MATCAP2: variants seen among roughly 807,000 people sequenced by gnomAD.
MATCAP2 encodes the protein microtubule associated tyrosine carboxypeptidase 2.
the MATCAP2 span, among the ~76,000 whole-genome samples, chr7:36,384,954 A>T: frequency 2.6e-5 from 4 of 152,270 alleles, 1 homozygote; most frequent in African/African-American, 9.6e-5. Flanking sequence ...ATGGCCTTGT[A>T]GGTATGATAA....
At chr7:36,367,281 C>A in the MATCAP2 span, 22 of 1,036,094 alleles carry the variant, frequency 2.1e-5, no homozygotes, top group African/African-American at 3.2e-4. Flanking sequence ...ACGGAGCCTG[C>A]GCGCCGCTGG....
the MATCAP2 span, among the ~76,000 whole-genome samples, chr7:36,347,944 TACTGTTTTTTA>T: frequency 2.0e-5 from 3 of 152,172 alleles, no homozygotes; most frequent in African/African-American, 4.8e-5. Context: ...GTCAACAAGA[TACTGTTTTTTA>T]AAGGTTTCAA....
chr7:36,367,776 A>G, the MATCAP2 span, among the ~76,000 whole-genome samples: 1 of 152,206 alleles, frequency 6.6e-6, no homozygotes, highest in South Asian at 2.1e-4. Flanking sequence ...TACAATAACC[A>G]TGGGAGGCGG....
chr7:36,367,222 C>G, the MATCAP2 span: 2 of 1,146,482 alleles, frequency 1.7e-6, no homozygotes, highest in East Asian at 8.4e-5. Flanking sequence ...CGTAGCCGCT[C>G]CGCCGGTTGC....
the MATCAP2 span, among the ~76,000 whole-genome samples, chr7:36,359,708 A>G: frequency 6.6e-6 from 1 of 152,218 alleles, no homozygotes; most frequent in Non-Finnish European, 1.5e-5. Context: ...ACAAATAAAC[A>G]AAACGTTCAT....
chr7:36,355,599 G>A, the MATCAP2 span: 3 of 152,128 alleles, frequency 2.0e-5, no homozygotes, highest in African/African-American at 7.2e-5. Context: ...TTACATAATG[G>A]CTTCAAAAGA....
the MATCAP2 span, chr7:36,356,894 C>T: frequency 6.2e-7 from 1 of 1,610,912 alleles, no homozygotes; most frequent in Admixed American, 1.7e-5. Context: ...ATTGAAATGG[C>T]ATTTTACCTG....
chr7:36,338,475 T>G, the MATCAP2 span, among the ~76,000 whole-genome samples: 6 of 152,040 alleles, frequency 3.9e-5, no homozygotes, highest in Non-Finnish European at 8.8e-5. Flanking sequence ...TTTTAAAATT[T>G]TTTGTAGAGA....
chr7:36,386,913 C>T, the MATCAP2 span, among the ~76,000 whole-genome samples: 1 of 151,904 alleles, frequency 6.6e-6, no homozygotes, highest in Admixed American at 6.5e-5. Context: ...GTATATTGCT[C>T]TAGAGAAAGT....
At chr7:36,334,535 C>CAAAAAA in the MATCAP2 span, among the ~76,000 whole-genome samples, 3 of 49,522 alleles carry the variant, frequency 6.1e-5, no homozygotes, top group African/African-American at 9.2e-5. Context: ...GATCCCATCT[C>CAAAAAA]AAAAAAAAAA....
the MATCAP2 span, among the ~76,000 whole-genome samples, chr7:36,382,995 A>G: frequency 1.3e-5 from 2 of 152,226 alleles, no homozygotes; most frequent in South Asian, 2.1e-4. Context: ...AGATTAGTCT[A>G]TTGAATAAAG....
At chr7:36,359,620 T>C in the MATCAP2 span, among the ~76,000 whole-genome samples, 15 of 152,328 alleles carry the variant, frequency 9.8e-5, no homozygotes, top group Admixed American at 8.5e-4. Flanking sequence ...CTAGATCACA[T>C]AGGGTCATGT....
At chr7:36,334,673 A>G in the MATCAP2 span, among the ~76,000 whole-genome samples, 2 of 152,140 alleles carry the variant, frequency 1.3e-5, no homozygotes, top group African/African-American at 2.4e-5. Flanking sequence ...AAAGGATCAC[A>G]TGTCTCAAGA....
the MATCAP2 span, among the ~76,000 whole-genome samples, chr7:36,373,217 A>G: frequency 2.0e-5 from 3 of 152,212 alleles, no homozygotes; most frequent in South Asian, 6.2e-4. Context: ...CAGTTCTCAT[A>G]GAACTTATAC....
the MATCAP2 span, chr7:36,383,829 G>A: frequency 1.4e-6 from 2 of 1,439,360 alleles, no homozygotes; most frequent in Non-Finnish European, 9.7e-7. Flanking sequence ...TTTAAAAAGT[G>A]TAAAAGAAGT....
the MATCAP2 span, among the ~76,000 whole-genome samples, chr7:36,358,862 T>A: frequency 6.6e-6 from 1 of 152,090 alleles, no homozygotes; most frequent in African/African-American, 2.4e-5. Flanking sequence ...ACACAAACAA[T>A]AACCTACAGT....
chr7:36,335,182 A>C, the MATCAP2 span: 1 of 1,613,648 alleles, frequency 6.2e-7, no homozygotes, highest in Non-Finnish European at 8.5e-7. Context: ...CTACAATCTA[A>C]GGGGCAAGAG....
the MATCAP2 span, chr7:36,383,861 G>A: frequency 3.8e-6 from 6 of 1,597,290 alleles, no homozygotes; most frequent in Non-Finnish European, 5.1e-6. Context: ...CAAATAACCT[G>A]AGGTAGAGAA....
At chr7:36,336,676 G>T in the MATCAP2 span, among the ~76,000 whole-genome samples, 23 of 151,792 alleles carry the variant, frequency 1.5e-4, no homozygotes, top group Admixed American at 7.9e-4. Context: ...ATGTCTCCAC[G>T]CAAGTAAATA....
Sources: allele counts gnomAD v4.1 joint callset (sites outside exome capture counted in the v4.1 genomes callset), GRCh38; gene constraint gnomAD v4.1.1; transcripts MANE v1.5; gene names NCBI Gene and HGNC (gene_info 2026-07-23, HGNC 2026-07-21).